AFAP1: variants seen among roughly 807,000 people sequenced by gnomAD.
AFAP1 encodes the protein actin filament-associated protein 1.
In AFAP1, 75 loss-of-function variants were observed where a neutral mutation model predicts 93.9. That is an observed-to-expected ratio of 0.80 (90% CI 0.66 to 0.97). The LOEUF (loss-of-function observed/expected upper bound fraction) is 0.97, where lower values mean the gene tolerates loss of function less well. Ranked by LOEUF, AFAP1 falls within the 50% of genes least tolerant of loss-of-function variation. The probability of loss-of-function intolerance (pLI) is 0.00; values close to 1 mark genes in which losing one functional copy is unlikely to be tolerated. For synonymous variants in AFAP1, 517 were observed against 430.7 expected (o/e 1.20, Z -2.48); for missense variants, 1,201 against 1,050.8 (o/e 1.14, Z -1.98).
chr4:7,841,701 G>A (rs4689168), intron 5 of AFAP1, among the ~76,000 whole-genome samples: 106,746 of 152,116 alleles, frequency 0.7, 38,487 homozygotes, highest in African/African-American at 0.86. Flanking sequence ...AAAAAGCTTC[G>A]TAATAAAAGT....
intron 1 of AFAP1, among the ~76,000 whole-genome samples, chr4:7,873,337 C>A (rs1717227311): frequency 7.7e-6 from 1 of 130,014 alleles, no homozygotes; most frequent in African/African-American, 2.8e-5. Flanking sequence ...CCTTTGAAGA[C>A]ACACCTTTTT....
chr4:7,878,717 C>T (rs558775751), intron 1 of AFAP1, among the ~76,000 whole-genome samples: 1 of 152,316 alleles, frequency 6.6e-6, no homozygotes, highest in South Asian at 2.1e-4. Context: ...TCATAATAAC[C>T]TTTCAAGATA....
At chr4:7,768,657 C>T (rs529718982) in intron 17 of AFAP1, among the ~76,000 whole-genome samples, 187 bp downstream of exon 17, 2 of 152,248 alleles carry the variant, frequency 1.3e-5, no homozygotes, top group African/African-American at 2.4e-5. Flanking sequence ...TTTGAGAACC[C>T]GGTTCCTAAC....
chr4:7,885,610 A>T (rs79567150), intron 1 of AFAP1, among the ~76,000 whole-genome samples: 14,812 of 152,272 alleles, frequency 0.097, 943 homozygotes, highest in African/African-American at 0.18. Flanking sequence ...CCTGATGTGG[A>T]AACAAGAACA....
chr4:7,915,125 C>G (rs1411464240), intron 1 of AFAP1, among the ~76,000 whole-genome samples: 4 of 152,218 alleles, frequency 2.6e-5, no homozygotes, highest in Non-Finnish European at 5.9e-5. Flanking sequence ...ATCCGGTGAT[C>G]TGCCCGCCTC....
At position 7,903,090 on chromosome 4, in the gene AFAP1, G is replaced by A. The variant is rs755308553; in HGVS notation, c.-2-31010C>T. ...CACAACAATGTGTGTAATCTCTCCT[G>A]CTTATGATCCCTATTCACAGAGCAT... On this transcript the variant is annotated intron_variant, in intron 1 of 17. Transcript: ENST00000420658. 6.0e-4 allele frequency among the ~76,000 whole-genome samples: 91 copies of A among 152,296 alleles called. 1 individual carries two copies. Among genetic ancestry groups the A allele is most frequent in the Middle Eastern group, 3.4e-3 (1 of 294 alleles).
At chr4:7,778,553 T>C in intron 14 of AFAP1, 1 of 612,238 alleles carries the variant, frequency 1.6e-6, no homozygotes, top group South Asian at 1.9e-5. Flanking sequence ...GCAAACCAGT[T>C]CTGGGCTTCA....
intron 17 of AFAP1, among the ~76,000 whole-genome samples, chr4:7,764,761 G>C (rs1714316007): frequency 6.6e-6 from 1 of 152,156 alleles, no homozygotes; most frequent in South Asian, 2.1e-4. Context: ...GTGCGGCTAT[G>C]TCTGGTCTGA....
chr4:7,761,507 C>A lies in AFAP1; in HGVS notation c.*2258G>T, dbSNP rs537234532. On this transcript the variant is annotated 3_prime_UTR_variant, in exon 18 of 18. Transcript: ENST00000420658. ...GCTGGTGGGTGACGGCTAAGGCCCA[C>A]GTGACACTTTGCGTGCTGCTCACAC... The A allele has an allele frequency of 2.6e-5, 4 of 152,284 alleles. No individual in the cohort carries two copies. Among genetic ancestry groups the A allele is most frequent in the Non-Finnish European group, 5.9e-5 (4 of 68,068 alleles). 9.4% of individuals were successfully genotyped at this position (152,284 alleles called of 1,614,324 possible).
intron 17 of AFAP1, among the ~76,000 whole-genome samples, chr4:7,765,750 G>C (rs990485365): frequency 3.3e-4 from 50 of 152,220 alleles, no homozygotes; most frequent in Admixed American, 3.3e-3. Context: ...ACAGACGCCA[G>C]GGCCAGACCT....
intron 8 of AFAP1, among the ~76,000 whole-genome samples, chr4:7,815,721 T>G (rs1720410240): frequency 6.6e-6 from 1 of 152,048 alleles, no homozygotes. Context: ...ACAGATCGAG[T>G]GAAGAAATAA....
rs547339396 is a variant in AFAP1, at chr4:7,828,560, G to A, written c.727-9389C>T. On this transcript the variant is annotated intron_variant, in intron 6 of 17. Coordinates refer to ENST00000420658, the MANE Select transcript of AFAP1 (RefSeq NM_001134647.2). Reference sequence around the variant, plus strand: ...TCATCAGCTATCCGGCCTGTTCTCTGCAGGCGTATGCGGAGCCTAATGAGA... The same window carrying A: ...TCATCAGCTATCCGGCCTGTTCTCTACAGGCGTATGCGGAGCCTAATGAGA... Among the ~76,000 whole-genome samples, 221 of 152,292 alleles carry A rather than the reference G, an allele frequency of 1.5e-3. 2 individuals are homozygous for A. The South Asian group carries it at 0.036, about 25-fold the overall frequency.
intron 1 of AFAP1, among the ~76,000 whole-genome samples, chr4:7,920,814 A>G (rs1419819793): frequency 6.6e-6 from 1 of 152,334 alleles, no homozygotes; most frequent in East Asian, 1.9e-4. Flanking sequence ...TTCATAATCT[A>G]AACTGTTTAC....
chr4:7,905,620 T>G (rs1293348847), intron 1 of AFAP1, among the ~76,000 whole-genome samples: 1 of 152,202 alleles, frequency 6.6e-6, no homozygotes, highest in Non-Finnish European at 1.5e-5. Context: ...ATTTTCCAGA[T>G]TTAATGGCTC....
At chr4:7,938,716 T>G (rs1437361123) in intron 1 of AFAP1, among the ~76,000 whole-genome samples, 1 of 151,930 alleles carries the variant, frequency 6.6e-6, no homozygotes, top group Non-Finnish European at 1.5e-5. Context: ...AGCTACAAAG[T>G]TCAATCTGGC....
intron 10 of AFAP1, among the ~76,000 whole-genome samples, chr4:7,796,155 A>C (rs932578412): frequency 2.0e-5 from 3 of 152,130 alleles, no homozygotes; most frequent in Non-Finnish European, 4.4e-5. Flanking sequence ...AAGTGAGCAC[A>C]TCTGGCCCCC....
At chr4:7,884,666 C>A (rs1307531935) in intron 1 of AFAP1, among the ~76,000 whole-genome samples, 1 of 152,116 alleles carries the variant, frequency 6.6e-6, no homozygotes, top group Non-Finnish European at 1.5e-5. Flanking sequence ...CCTTACCTTA[C>A]GTACACCAGA....
At chr4:7,902,073 G>A (rs987937392) in intron 1 of AFAP1, among the ~76,000 whole-genome samples, 13 of 152,174 alleles carry the variant, frequency 8.5e-5, no homozygotes, top group Non-Finnish European at 1.0e-4. Context: ...TTCGAACTGC[G>A]GGTGGAGCAA....
At chr4:7,822,195 G>A (rs973935642) in intron 6 of AFAP1, among the ~76,000 whole-genome samples, 14 of 152,128 alleles carry the variant, frequency 9.2e-5, no homozygotes, top group Admixed American at 1.3e-4. Flanking sequence ...GAGCTTCTAC[G>A]TCAAACCCAC....
Sources: allele counts gnomAD v4.1 joint callset (sites outside exome capture counted in the v4.1 genomes callset), GRCh38; gene constraint gnomAD v4.1.1; transcripts MANE v1.5; gene names NCBI Gene and HGNC (gene_info 2026-07-23, HGNC 2026-07-21).